SAMD3: variants seen among roughly 807,000 people sequenced by gnomAD.
The protein encoded by SAMD3 is sterile alpha motif domain-containing protein 3.
SAMD3 carries 63 observed loss-of-function variants against 58.5 expected under a neutral mutation model. The ratio of observed to expected loss-of-function variants is 1.08; its 90% CI spans 0.88 to 1.33. The LOEUF (loss-of-function observed/expected upper bound fraction) is 1.33, where lower values mean the gene tolerates loss of function less well. Among genes scored for constraint, SAMD3 ranks in the 40% most tolerant of loss-of-function variants. The pLI, the probability that SAMD3 is intolerant of heterozygous loss-of-function variation, is 0.00. For synonymous variants in SAMD3, 220 were observed against 210.3 expected (o/e 1.05, Z -0.40); for missense variants, 604 against 608.4 (o/e 0.99, Z 0.08).
At chr6:130,153,242 G>T (rs916800251) in intron 9 of SAMD3, among the ~76,000 whole-genome samples, 3 of 152,182 alleles carry the variant, frequency 2.0e-5, no homozygotes, top group African/African-American at 7.2e-5. Flanking sequence ...AACAGCCAGA[G>T]ATGACTGGCT....
chr6:130,294,431 G>C (rs566961128), intron 2 of SAMD3, among the ~76,000 whole-genome samples: 5 of 152,062 alleles, frequency 3.3e-5, no homozygotes. Flanking sequence ...TCAGCCCCTC[G>C]TTATTAATGT....
intron 2 of SAMD3, among the ~76,000 whole-genome samples, chr6:130,255,902 T>C (rs1446050325): frequency 6.6e-6 from 1 of 151,944 alleles, no homozygotes; most frequent in African/African-American, 2.4e-5. Flanking sequence ...CTTTATTAGA[T>C]AACTTAATCC....
At chr6:130,167,481 A>G (rs1547334) in intron 8 of SAMD3, among the ~76,000 whole-genome samples, 125,807 of 152,180 alleles carry the variant, frequency 0.83, 52,244 homozygotes, top group East Asian at 0.98. Context: ...TATAAAGTAC[A>G]ATCTTACATT....
intron 1 of SAMD3, among the ~76,000 whole-genome samples, chr6:130,345,806 G>A (rs745578825): frequency 8.5e-5 from 13 of 152,180 alleles, no homozygotes; most frequent in Non-Finnish European, 1.8e-4. Flanking sequence ...GGGAGCTCAA[G>A]AAGCAAAAGG....
intron 8 of SAMD3, chr6:130,162,062 T>A: frequency 3.9e-6 from 2 of 511,770 alleles, no homozygotes; most frequent in Non-Finnish European, 6.9e-6. Flanking sequence ...GATGTGTGAC[T>A]TTAGAGGAAT....
intron 9 of SAMD3, among the ~76,000 whole-genome samples, chr6:130,153,647 C>CATATAT (rs1196709383): frequency 5.8e-4 from 56 of 96,708 alleles, no homozygotes; most frequent in African/African-American, 1.5e-3. Context: ...CATTAAATTT[C>CATATAT]ATATATATAT....
chr6:130,209,446 G>T, intron 5 of SAMD3, 49 bp downstream of exon 5: 1 of 966,248 alleles, frequency 1.0e-6, no homozygotes. Context: ...AAAAGAAATA[G>T]AGAAGAATGT....
chr6:130,261,656 AC>A (rs1164621113), intron 2 of SAMD3, among the ~76,000 whole-genome samples: 2 of 152,146 alleles, frequency 1.3e-5, no homozygotes, highest in Non-Finnish European at 2.9e-5. Context: ...AGCTCACCCT[AC>A]TAGGAACTAT....
At chr6:130,313,155 G>A (rs1776240570) in intron 1 of SAMD3, 1 of 152,208 alleles carries the variant, frequency 6.6e-6, no homozygotes, top group African/African-American at 2.4e-5. Flanking sequence ...GGTCTGGGTA[G>A]GCTTGCATTT....
intron 2 of SAMD3, among the ~76,000 whole-genome samples, chr6:130,255,731 C>A (rs886645036): frequency 2.0e-5 from 3 of 151,830 alleles, no homozygotes; most frequent in Non-Finnish European, 4.4e-5. Flanking sequence ...TGAACTCAAG[C>A]GATCCCCCCA....
At chr6:130,247,524 T>C (rs983788097) in intron 2 of SAMD3, among the ~76,000 whole-genome samples, 3 of 151,486 alleles carry the variant, frequency 2.0e-5, no homozygotes, top group African/African-American at 4.8e-5. Flanking sequence ...ATCTAACCAT[T>C]AATATGAATA....
intron 11 of SAMD3, among the ~76,000 whole-genome samples, chr6:130,145,012 C>T (rs1161684207): frequency 3.3e-5 from 5 of 152,166 alleles, no homozygotes; most frequent in Non-Finnish European, 5.9e-5. Context: ...GTAATCCCAG[C>T]ACTTTGGGAG....
intron 5 of SAMD3, among the ~76,000 whole-genome samples, chr6:130,185,858 T>C (rs1792913234): frequency 1.3e-5 from 2 of 152,102 alleles, no homozygotes; most frequent in African/African-American, 4.8e-5. Context: ...TCTCGAACTC[T>C]AGGCTCAAGT....
At chr6:130,187,831 C>T (rs9492480) in intron 5 of SAMD3, among the ~76,000 whole-genome samples, 79,902 of 151,948 alleles carry the variant, frequency 0.53, 23,071 homozygotes, top group African/African-American at 0.76. Context: ...GGCTCTTCGA[C>T]AAAATCAGCA....
At chr6:130,169,236 C>CA (rs1554254961) in intron 8 of SAMD3, among the ~76,000 whole-genome samples, 1 of 151,710 alleles carries the variant, frequency 6.6e-6, no homozygotes, top group Non-Finnish European at 1.5e-5. Flanking sequence ...TGGAACCCCC[C>CA]CACACACACA....
At chr6:130,255,739 C>A (rs1319691448) in intron 2 of SAMD3, among the ~76,000 whole-genome samples, 1 of 152,056 alleles carries the variant, frequency 6.6e-6, no homozygotes, top group East Asian at 1.9e-4. Context: ...AGCGATCCCC[C>A]CACCTCAGCC....
At position 130,350,909 on chromosome 6, in the gene SAMD3, A is replaced by T. The variant is rs141037508; in HGVS notation, c.-304+14211T>A. ...ACCAATGGAACAGAACAGAGCCCTC[A>T]GAGATAATGCCGCATATCTACAACC... is the stretch of plus-strand genomic sequence containing the variant. On this transcript the variant is annotated intron_variant, in intron 1 of 13. Coordinates refer to the SAMD3 transcript ENST00000368134. Among the ~76,000 whole-genome samples the T allele has an allele frequency of 1.2e-3, 186 of 152,332 alleles. 6 individuals carry two copies. The East Asian group carries it at 0.029, about 24-fold the overall frequency.
chr6:130,192,891 C>T (rs977181808), intron 5 of SAMD3, among the ~76,000 whole-genome samples: 13 of 152,304 alleles, frequency 8.5e-5, no homozygotes, highest in East Asian at 5.8e-4. Flanking sequence ...CTTCTCCAAC[C>T]TCCCTCACTA....
intron 1 of SAMD3, among the ~76,000 whole-genome samples, chr6:130,332,400 G>A (rs1776960848): frequency 6.6e-6 from 1 of 152,122 alleles, no homozygotes; most frequent in Non-Finnish European, 1.5e-5. Flanking sequence ...GCAAAAGGGA[G>A]GGGTTAGAGG....
Sources: gnomAD v4.1 joint callset for allele counts (sites outside exome capture counted in the v4.1 genomes callset) on GRCh38, gnomAD v4.1.1 for gene constraint, MANE v1.5 for transcripts, NCBI Gene and HGNC (gene_info 2026-07-23, HGNC 2026-07-21) for gene names.